Variants in ZFHX3 observed in about 807,000 individuals in gnomAD.
ZFHX3 encodes the protein zinc finger homeobox protein 3.
ZFHX3 carries 42 observed loss-of-function variants against 279.1 expected under a neutral mutation model. The observed-to-expected ratio is 0.15, with a 90% confidence interval of 0.12 to 0.19. The LOEUF is 0.19. ZFHX3 is among the 10% of genes least tolerant of loss of function. The pLI is 1.00. For synonymous variants in ZFHX3, 2,293 were observed against 1,957.8 expected (o/e 1.17, Z -4.52); for missense variants, 4,981 against 4,754.0 (o/e 1.05, Z -1.40).
At position 73,438,391 on chromosome 16, in the gene ZFHX3, A is replaced by C. The variant is rs973036597; in HGVS notation, c.-1291+17612T>G. ...TAAGTCCTTCAATCACTATGAACTCATAATGGCCCAAATGCAATCTTGGGC... is the reference window on the plus strand; with the variant it reads ...TAAGTCCTTCAATCACTATGAACTCCTAATGGCCCAAATGCAATCTTGGGC... On this transcript the variant is annotated intron_variant, in intron 3 of 17. Transcript: ENST00000641206. 2.0e-5 allele frequency among the ~76,000 whole-genome samples: 3 copies of C among 152,362 alleles called. No homozygotes were observed. The East Asian group carries it at 5.8e-4, about 29-fold the overall frequency.
intron 3 of ZFHX3, among the ~76,000 whole-genome samples, chr16:73,334,807 A>ATTATT (rs1224756669): frequency 4.2e-4 from 12 of 28,506 alleles, no homozygotes; most frequent in African/African-American, 1.7e-3. Flanking sequence ...TTTCTTTCTC[A>ATTATT]TTCTTTTTTT....
chr16:73,234,721 T>C (rs1284648109), intron 5 of ZFHX3, among the ~76,000 whole-genome samples: 1 of 152,224 alleles, frequency 6.6e-6, no homozygotes. Flanking sequence ...TCTTCCTAAC[T>C]GTAAAAGAGA....
intron 3 of ZFHX3, among the ~76,000 whole-genome samples, chr16:73,405,366 G>A (rs916296256): frequency 6.6e-6 from 1 of 152,018 alleles, no homozygotes; most frequent in African/African-American, 2.4e-5. Context: ...TTTTTCAGTA[G>A]AATAACATAA....
intron 3 of ZFHX3, among the ~76,000 whole-genome samples, chr16:73,362,289 T>A (rs922960958): frequency 6.6e-6 from 1 of 152,106 alleles, no homozygotes; most frequent in Admixed American, 6.5e-5. Context: ...GCTTCCAGAG[T>A]TCCCCCCATT....
At chr16:73,602,997 A>G (rs1223242710) in intron 2 of ZFHX3, among the ~76,000 whole-genome samples, 1 of 147,174 alleles carries the variant, frequency 6.8e-6, no homozygotes, top group African/African-American at 2.5e-5. Context: ...AATAAGAAAA[A>G]GATACAGGCC....
At chr16:73,818,329 T>C (rs1960636909) in intron 1 of ZFHX3, among the ~76,000 whole-genome samples, 2 of 152,200 alleles carry the variant, frequency 1.3e-5, no homozygotes, top group African/African-American at 4.8e-5. Flanking sequence ...TCAGCTTGTA[T>C]GGAAGTTTGT....
intron 1 of ZFHX3, among the ~76,000 whole-genome samples, chr16:73,837,837 TGTTG>T (rs1324010166): frequency 6.6e-6 from 1 of 152,126 alleles, no homozygotes; most frequent in African/African-American, 2.4e-5. Flanking sequence ...GGTTTCTCCA[TGTTG>T]GTCAGGCCGG....
intron 3 of ZFHX3, among the ~76,000 whole-genome samples, chr16:73,356,878 G>A (rs117654189): frequency 4.6e-5 from 7 of 150,674 alleles, no homozygotes; most frequent in African/African-American, 1.7e-4. Flanking sequence ...AGTACACTAG[G>A]CCTGTGCTGG....
chr16:73,787,494 G>A (rs1030681946), intron 1 of ZFHX3, among the ~76,000 whole-genome samples: 1 of 152,108 alleles, frequency 6.6e-6, no homozygotes, highest in Non-Finnish European at 1.5e-5. Context: ...CATGTTCTGT[G>A]GCTCCTGGTT....
In ZFHX3 at chr16:72,911,062, G is replaced by A. The variant is rs148071712; in HGVS notation, c.3217-21100C>T. Among the ~76,000 whole-genome samples the A allele has an allele frequency of 2.6e-4, 39 of 152,276 alleles. No individual in the cohort carries two copies. The East Asian group carries it at 7.4e-3, about 29-fold the overall frequency. ...TTGTCAGCCCGTGCTGTGCTACTCC[G>A]TGAATAACCCAGCACAAAGATTCCC... On this transcript the variant is annotated intron_variant, in intron 3 of 9. Coordinates refer to ENST00000268489, the MANE Select transcript of ZFHX3 (RefSeq NM_006885.4).
intron 1 of ZFHX3, among the ~76,000 whole-genome samples, chr16:73,846,543 G>C (rs139031866): frequency 2.0e-5 from 3 of 152,094 alleles, no homozygotes; most frequent in South Asian, 4.2e-4. Context: ...GAGGCTTTGC[G>C]AGTGGCCCTA....
chr16:73,212,365 C>T (rs1441418419), intron 5 of ZFHX3, among the ~76,000 whole-genome samples: 1 of 152,092 alleles, frequency 6.6e-6, no homozygotes, highest in African/African-American at 2.4e-5. Context: ...AACATATTTC[C>T]ATGTCAATGA....
In ZFHX3 at chr16:73,759,002, T is replaced by C. The variant is rs16972510; in HGVS notation, c.-1607-78762A>G. Among the ~76,000 whole-genome samples the C allele has an allele frequency of 8.4e-3, 1,281 of 152,356 alleles. 44 individuals are homozygous for C. In the East Asian group the frequency reaches 0.097, roughly 12 times the overall value. Reference sequence around the variant, plus strand: ...TACAAGTTAATCCAGGTCTACCTGATACCAAAGCCTCACTGTTAACCACTG... The same window carrying C: ...TACAAGTTAATCCAGGTCTACCTGACACCAAAGCCTCACTGTTAACCACTG... On this transcript the variant is annotated intron_variant, in intron 1 of 17. Coordinates refer to the ZFHX3 transcript ENST00000641206.
chr16:73,065,997 GC>G (rs1287078370), intron 8 of ZFHX3, among the ~76,000 whole-genome samples: 1 of 152,210 alleles, frequency 6.6e-6, no homozygotes, highest in Non-Finnish European at 1.5e-5. Flanking sequence ...GCAGGGCGTG[GC>G]CCCACGGCCG....
At position 73,245,340 on chromosome 16, in the gene ZFHX3, G is replaced by A. The variant is rs373599660; in HGVS notation, c.-1104+11707C>T. ...GCTGGAGTTCAGTTGTGTGATCATA[G>A]CTCACTGTAGCCTCAAACTCTTGGG... On this transcript the variant is annotated intron_variant, in intron 5 of 17. Coordinates refer to the ZFHX3 transcript ENST00000641206. 6.7e-4 allele frequency among the ~76,000 whole-genome samples: 102 copies of A among 152,230 alleles called. No homozygotes were observed. The South Asian group carries it at 0.021, about 31-fold the overall frequency.
chr16:72,908,762 C>T (rs758949990), intron 3 of ZFHX3, among the ~76,000 whole-genome samples: 21 of 152,128 alleles, frequency 1.4e-4, no homozygotes, highest in Non-Finnish European at 2.4e-4. Context: ...CACGGCGATA[C>T]GAGAACCTAC....
At chr16:73,492,767 A>G (rs1336290680) in intron 2 of ZFHX3, among the ~76,000 whole-genome samples, 1 of 152,218 alleles carries the variant, frequency 6.6e-6, no homozygotes, top group East Asian at 1.9e-4. Flanking sequence ...CACCCTTAAC[A>G]TTAAACAACT....
chr16:73,186,813 T>A (rs1410511347), intron 5 of ZFHX3, among the ~76,000 whole-genome samples: 1 of 152,208 alleles, frequency 6.6e-6, no homozygotes, highest in Non-Finnish European at 1.5e-5. Context: ...AAATTTGACC[T>A]CAGAGGTCAT....
At chr16:73,168,211 T>TTTTCTTTCTTTCTTTCTTTC (rs71156144) in intron 5 of ZFHX3, among the ~76,000 whole-genome samples, 3,137 of 95,266 alleles carry the variant, frequency 0.033, 323 homozygotes, top group East Asian at 0.062. Flanking sequence ...GTTTCTTTTG[T>TTTTCTTTCTTTCTTTCTTTC]TTTCTTTCTT....
Sources: allele counts gnomAD v4.1 joint callset (sites outside exome capture counted in the v4.1 genomes callset), GRCh38; gene constraint gnomAD v4.1.1; transcripts MANE v1.5; gene names NCBI Gene and HGNC (gene_info 2026-07-23, HGNC 2026-07-21).